FILIP1L: variants seen among roughly 807,000 people sequenced by gnomAD.
The protein encoded by FILIP1L is filamin A interacting protein 1 like, also known as filamin A-interacting protein 1-like.
FILIP1L carries 55 observed loss-of-function variants against 96.6 expected under a neutral mutation model. The ratio of observed to expected loss-of-function variants is 0.57; its 90% confidence interval spans 0.46 to 0.71. The LOEUF (loss-of-function observed/expected upper bound fraction) is 0.71, where lower values mean the gene tolerates loss of function less well. Ranked by LOEUF, FILIP1L falls within the 30% of genes least tolerant of loss-of-function variation. The pLI, the probability that FILIP1L is intolerant of heterozygous loss-of-function variation, is 0.00. For missense variants in FILIP1L, 1,304 were observed against 1,321.2 expected (o/e 0.99, Z 0.20); for synonymous variants, 467 against 473.9 (o/e 0.99, Z 0.19).
chr3:99,879,169 CTG>C lies in FILIP1L; in HGVS notation c.606-28101_606-28100del, dbSNP rs141550519. On this transcript the variant is annotated intron_variant, in intron 4 of 5. Transcript: ENST00000477258. ...GATCTAAATCAGCACTAGCTTTAAA[CTG>C]TTATTTAGAAATGATACAAAGAAAT... 1.2e-3 allele frequency among the ~76,000 whole-genome samples: 178 copies of C among 152,308 alleles called. 7 individuals are homozygous for C. The East Asian group carries it at 0.032, about 27-fold the overall frequency.
rs144497177 is a variant in FILIP1L, at chr3:100,075,089, A to G, written c.-11+38964T>C. ...TTTTTAGGATATATTTTATTGGTCTATGTTAGTTCCCTTTGTTTTGGTTTA... is the reference window on the plus strand; with the variant it reads ...TTTTTAGGATATATTTTATTGGTCTGTGTTAGTTCCCTTTGTTTTGGTTTA... On this transcript the variant is annotated intron_variant, in intron 1 of 5. Coordinates refer to ENST00000477258, the MANE Select transcript of FILIP1L (RefSeq NM_001387850.1). 4.7e-3 allele frequency among the ~76,000 whole-genome samples: 708 copies of G among 152,252 alleles called. 2 individuals carry two copies. Among genetic ancestry groups the G allele is most frequent in the South Asian group, 7.0e-3 (34 of 4,824 alleles).
At chr3:99,940,026 G>A (rs139443214) in intron 1 of FILIP1L, among the ~76,000 whole-genome samples, 21 of 152,330 alleles carry the variant, frequency 1.4e-4, no homozygotes, top group African/African-American at 5.1e-4. Context: ...CACTGATGAG[G>A]TCCAGTAGGG....
chr3:99,874,899 GTTATC>G (rs1212559408), intron 4 of FILIP1L, among the ~76,000 whole-genome samples: 2 of 152,154 alleles, frequency 1.3e-5, no homozygotes, highest in Admixed American at 6.5e-5. Flanking sequence ...CCTCCAAACA[GTTATC>G]TTATATGGTC....
At chr3:99,888,079 C>A (rs928095863) in intron 4 of FILIP1L, among the ~76,000 whole-genome samples, 16 of 152,152 alleles carry the variant, frequency 1.1e-4, no homozygotes, top group African/African-American at 3.9e-4. Context: ...TAGGTACTAT[C>A]TTCGGACAAT....
intron 1 of FILIP1L, among the ~76,000 whole-genome samples, chr3:100,075,299 A>G (rs961576602): frequency 6.6e-6 from 1 of 152,204 alleles, no homozygotes; most frequent in Non-Finnish European, 1.5e-5. Context: ...AGAGCATGCT[A>G]GTTGCTGCCA....
At chr3:99,833,818 G>C (rs1041563218) in intron 5 of FILIP1L, among the ~76,000 whole-genome samples, 5 of 152,200 alleles carry the variant, frequency 3.3e-5, no homozygotes. Context: ...TGGATTCAGG[G>C]CTGCTCACTC....
chr3:99,901,001 G>A (rs545572997), intron 4 of FILIP1L, among the ~76,000 whole-genome samples: 3 of 152,208 alleles, frequency 2.0e-5, no homozygotes, highest in Admixed American at 6.5e-5. Context: ...AGTTTGCTTT[G>A]CTTCTTATTG....
intron 4 of FILIP1L, among the ~76,000 whole-genome samples, chr3:99,882,726 CAG>C (rs959982977): frequency 1.3e-5 from 2 of 152,168 alleles, no homozygotes; most frequent in African/African-American, 4.8e-5. Context: ...ATGGCACAAA[CAG>C]TGTGATTAGT....
intron 4 of FILIP1L, among the ~76,000 whole-genome samples, chr3:99,908,278 G>A (rs954949988): frequency 6.6e-6 from 1 of 152,236 alleles, no homozygotes; most frequent in African/African-American, 2.4e-5. Context: ...AGAGGTATAT[G>A]TGGAAAAAGA....
chr3:99,886,321 T>A (rs1705895677), intron 4 of FILIP1L, among the ~76,000 whole-genome samples: 1 of 151,184 alleles, frequency 6.6e-6, no homozygotes, highest in South Asian at 2.1e-4. Flanking sequence ...AAAGCAGGGA[T>A]GTCCAATCTT....
chr3:99,896,330 G>A (rs527667141), intron 4 of FILIP1L, among the ~76,000 whole-genome samples: 9 of 152,300 alleles, frequency 5.9e-5, no homozygotes, highest in Middle Eastern at 3.4e-3. Context: ...TTGCCCTAAT[G>A]TTAGCCACAT....
chr3:99,894,747 A>G (rs1706194698), intron 4 of FILIP1L, among the ~76,000 whole-genome samples: 1 of 152,232 alleles, frequency 6.6e-6, no homozygotes, highest in East Asian at 1.9e-4. Context: ...AATAAAGCTG[A>G]AAACTCCATT....
intron 3 of FILIP1L, chr3:99,925,926 CAT>C: frequency 1.0e-6 from 1 of 978,120 alleles, no homozygotes; most frequent in Non-Finnish European, 1.2e-6. Context: ...ACCAGAAAAA[CAT>C]GTTGGCAAGA....
chr3:100,060,569 T>C (rs1252238098), intron 1 of FILIP1L, among the ~76,000 whole-genome samples: 1 of 151,644 alleles, frequency 6.6e-6, no homozygotes, highest in Non-Finnish European at 1.5e-5. Context: ...AAGAAACAAA[T>C]AGGGGCTCGG....
chr3:99,994,937 A>G (rs759144174), intron 1 of FILIP1L, among the ~76,000 whole-genome samples: 6 of 152,118 alleles, frequency 3.9e-5, no homozygotes, highest in Non-Finnish European at 7.4e-5. Flanking sequence ...TGGGAGTACA[A>G]TTCAAGTTGA....
At chr3:100,097,418 A>T (rs975157282) in intron 1 of FILIP1L, among the ~76,000 whole-genome samples, 8 of 152,208 alleles carry the variant, frequency 5.3e-5, no homozygotes, top group South Asian at 2.1e-4. Context: ...TGACTTGAAC[A>T]TCCTCAGATT....
At chr3:99,868,836 CTTTTCT>C (rs1168785600) in intron 4 of FILIP1L, among the ~76,000 whole-genome samples, 1 of 152,130 alleles carries the variant, frequency 6.6e-6, no homozygotes, top group African/African-American at 2.4e-5. Context: ...GCTGATTTTC[CTTTTCT>C]AAGTCCCCAC....
chr3:99,871,781 T>G (rs1245098614), intron 4 of FILIP1L, among the ~76,000 whole-genome samples: 1 of 152,182 alleles, frequency 6.6e-6, no homozygotes, highest in Admixed American at 6.5e-5. Flanking sequence ...GTACACAGTC[T>G]TTCCAGGGCA....
At chr3:99,846,476 AG>A (rs1304163469) in intron 5 of FILIP1L, among the ~76,000 whole-genome samples, 1 of 152,198 alleles carries the variant, frequency 6.6e-6, no homozygotes, top group African/African-American at 2.4e-5. Flanking sequence ...TTCCTTCTAG[AG>A]TTCTGGCCCA....
Sources: gnomAD v4.1 joint callset for allele counts (sites outside exome capture counted in the v4.1 genomes callset) on GRCh38, gnomAD v4.1.1 for gene constraint, MANE v1.5 for transcripts, NCBI Gene and HGNC (gene_info 2026-07-23, HGNC 2026-07-21) for gene names.